NIPBL: variants seen among roughly 807,000 people sequenced by gnomAD.
NIPBL encodes the protein nipped-B-like protein.
In NIPBL, 19 loss-of-function variants were observed where a neutral mutation model predicts 321.8. That is an observed-to-expected ratio of 0.06 (90% confidence interval 0.04 to 0.09). NIPBL has a LOEUF of 0.09. NIPBL is among the 10% of genes least tolerant of loss of function. The pLI is 1.00. For synonymous variants in NIPBL, 1,106 were observed against 1,114.1 expected (o/e 0.99, Z 0.14); for missense variants, 2,210 against 3,327.0 (o/e 0.66, Z 8.26).
intron 36 of NIPBL, 60 bp downstream of exon 36, chr5:37,044,789 T>G: frequency 1.7e-6 from 2 of 1,155,730 alleles, no homozygotes; most frequent in Non-Finnish European, 2.6e-6. Context: ...GGTCAGCTCA[T>G]TTTAAACACA....
chr5:36,888,565 A>C (rs1428490088), intron 1 of NIPBL, among the ~76,000 whole-genome samples: 1 of 152,134 alleles, frequency 6.6e-6, no homozygotes, highest in Non-Finnish European at 1.5e-5. Flanking sequence ...TTTTATTGCA[A>C]ACAACAGAAA....
intron 32 of NIPBL, among the ~76,000 whole-genome samples, chr5:37,032,582 C>A (rs568702868): frequency 4.2e-4 from 64 of 152,096 alleles, no homozygotes; most frequent in African/African-American, 1.4e-3. Context: ...CCAACCTGGA[C>A]AATGTACTGA....
intron 6 of NIPBL, among the ~76,000 whole-genome samples, chr5:36,965,807 A>G (rs936055644): frequency 2.0e-5 from 3 of 152,144 alleles, no homozygotes; most frequent in Non-Finnish European, 4.4e-5. Flanking sequence ...TCTGTCAATA[A>G]TAAAACATAA....
Position 37,003,267 on chromosome 5 carries a change from A to G in NIPBL, c.3775A>G (p.Thr1259Ala), listed in dbSNP as rs1181219284. 1.3e-6 allele frequency: 2 copies of G among 1,581,320 alleles called. No individual in the cohort carries two copies. Among genetic ancestry groups the G allele is most frequent in the Non-Finnish European group, 1.7e-6 (2 of 1,150,612 alleles). The change falls in exon 16 of 47, where the codon ACT (threonine) becomes GCT (alanine). Residue 1259 changes from threonine to alanine, a missense_variant. Thr to Ala is a moderately conservative substitution (Grantham distance 58). Coordinates refer to ENST00000282516, the MANE Select transcript of NIPBL (RefSeq NM_133433.4). ...ATTTATATTGCTATTTTAGCTTTCAACTGACAAAACTGTGAAAGTCTTAAA... is the reference window on the plus strand; with the variant it reads ...ATTTATATTGCTATTTTAGCTTTCAGCTGACAAAACTGTGAAAGTCTTAAA... ...KAMGIMDKLSTDKTVKVLNIL... is the reference protein window; with the variant it reads ...KAMGIMDKLSADKTVKVLNIL...
chr5:37,059,000 T>TAGATTC lies in NIPBL; in HGVS notation c.7542_7547dup (p.Asp2514_Ser2515dup), dbSNP rs587784044. ...AGGCCTCGGAAGTCACGGAAACGTGTAGATTCAGATTCAGATTCAGATTCA... is the reference window on the plus strand; with the variant it reads ...AGGCCTCGGAAGTCACGGAAACGTGTAGATTCAGATTCAGATTCAGATTCAGATTCA... On this transcript the variant is annotated inframe_insertion, in exon 44 of 47. Coordinates refer to ENST00000282516, the MANE Select transcript of NIPBL (RefSeq NM_133433.4). 25 of 1,614,040 alleles carry TAGATTC rather than the reference T, an allele frequency of 1.5e-5. No homozygotes were observed. The highest frequency in any genetic ancestry group is 6.7e-5 in the East Asian group (3 of 44,882).
intron 1 of NIPBL, among the ~76,000 whole-genome samples, chr5:36,897,201 A>G (rs965084368): frequency 2.6e-5 from 4 of 151,238 alleles, no homozygotes; most frequent in Admixed American, 1.3e-4. Flanking sequence ...ATGGGGTTTC[A>G]CTATGTTGGC....
chr5:36,888,204 T>A (rs1422894935), intron 1 of NIPBL, among the ~76,000 whole-genome samples: 2 of 152,162 alleles, frequency 1.3e-5, no homozygotes, highest in Non-Finnish European at 2.9e-5. Context: ...TTTGCTTCTA[T>A]GCTTGGGCTC....
In NIPBL at chr5:37,017,143, T is replaced by C. The variant is rs1343267889; in HGVS notation, c.4901T>C (p.Ile1634Thr). Residue 1634 changes from isoleucine to threonine, a missense_variant, in exon 24 of 47, where the codon ATA (isoleucine) becomes ACA (threonine). Ile to Thr is a moderately conservative substitution (Grantham distance 89). This residue lies in a region of NIPBL where 138 missense variants were observed against 175.8 expected (regional missense o/e 0.79). Coordinates refer to ENST00000282516, the MANE Select transcript of NIPBL (RefSeq NM_133433.4). ...ACAAGCAAAATGGATCAAGGATCTATAGAACGCATTTTAAAACAGGTACTA... is the reference window on the plus strand; with the variant it reads ...ACAAGCAAAATGGATCAAGGATCTACAGAACGCATTTTAAAACAGGTACTA... ...AVTSKMDQGS[I>T]ERILKQVSGG... is the part of the protein sequence containing the mutation. 1 of 1,611,492 alleles carries C rather than the reference T, an allele frequency of 6.2e-7. No homozygotes were observed. Among genetic ancestry groups the C allele is most frequent in the Non-Finnish European group, 8.5e-7 (1 of 1,178,130 alleles).
At chr5:36,984,008 CTTATT>C (rs1225392614) in intron 9 of NIPBL, among the ~76,000 whole-genome samples, 1 of 151,876 alleles carries the variant, frequency 6.6e-6, no homozygotes, top group Admixed American at 6.6e-5. Flanking sequence ...CTGTTGCTTC[CTTATT>C]TTAAATTTAC....
chr5:37,010,405 TC>T (rs557638353), intron 21 of NIPBL, among the ~76,000 whole-genome samples, 180 bp downstream of exon 21: 2 of 152,270 alleles, frequency 1.3e-5, no homozygotes, highest in Non-Finnish European at 2.9e-5. Flanking sequence ...AACCTCTGCC[TC>T]CCGGGTTCAA....
chr5:36,916,786 T>C (rs529497794), intron 1 of NIPBL, among the ~76,000 whole-genome samples: 2 of 152,290 alleles, frequency 1.3e-5, no homozygotes, highest in South Asian at 2.1e-4. Context: ...TTGCTGAGAA[T>C]GATGGTTTCC....
At chr5:37,011,792 C>T (rs1313407372) in intron 21 of NIPBL, among the ~76,000 whole-genome samples, 2 of 151,868 alleles carry the variant, frequency 1.3e-5, no homozygotes, top group Non-Finnish European at 2.9e-5. Context: ...TTTCACTCAA[C>T]ATCGCTTTTA....
intron 1 of NIPBL, among the ~76,000 whole-genome samples, chr5:36,908,942 T>G (rs1170429860): frequency 6.6e-6 from 1 of 152,254 alleles, no homozygotes; most frequent in African/African-American, 2.4e-5. Flanking sequence ...ACAGAGCTAT[T>G]ATTTTATGTA....
chr5:36,890,901 C>G (rs968849023), intron 1 of NIPBL, among the ~76,000 whole-genome samples: 7 of 152,200 alleles, frequency 4.6e-5, no homozygotes, highest in African/African-American at 7.2e-5. Flanking sequence ...TATTCATTCT[C>G]TTGTACATCA....
At chr5:36,884,818 TGAG>T (rs1289161119) in intron 1 of NIPBL, among the ~76,000 whole-genome samples, 2 of 152,298 alleles carry the variant, frequency 1.3e-5, no homozygotes, top group Middle Eastern at 3.4e-3. Context: ...GCTGTGTCCT[TGAG>T]GGCTTCTTGC....
At chr5:36,887,163 C>A (rs1041530398) in intron 1 of NIPBL, among the ~76,000 whole-genome samples, 1 of 152,070 alleles carries the variant, frequency 6.6e-6, no homozygotes, top group Non-Finnish European at 1.5e-5. Flanking sequence ...TATTATATGG[C>A]ATTTATTTAT....
intron 34 of NIPBL, among the ~76,000 whole-genome samples, chr5:37,043,018 T>C (rs868026150): frequency 2.0e-5 from 3 of 152,204 alleles, no homozygotes; most frequent in Middle Eastern, 6.8e-3. Context: ...ACCTTTTGGT[T>C]TTTTTTAAAA....
intron 20 of NIPBL, among the ~76,000 whole-genome samples, chr5:37,009,322 G>GTT (rs1580458305): frequency 1.3e-5 from 2 of 152,236 alleles, no homozygotes; most frequent in African/African-American, 4.8e-5. Context: ...TAAGCACACT[G>GTT]TTAATAAGGA....
intron 8 of NIPBL, among the ~76,000 whole-genome samples, chr5:36,972,697 C>G (rs190660939): frequency 6.6e-6 from 1 of 152,262 alleles, no homozygotes; most frequent in East Asian, 1.9e-4. Context: ...ACTGTTCTTT[C>G]TACCATCCCA....
Sources: gnomAD v4.1 joint callset for allele counts (sites outside exome capture counted in the v4.1 genomes callset) on GRCh38, gnomAD v4.1.1 for gene constraint, gnomAD v4.1.1 regional missense constraint, MANE v1.5 for transcripts, NCBI Gene and HGNC (gene_info 2026-07-23, HGNC 2026-07-21) for gene names.